The following GREB1L variants were observed in gnomAD, a reference collection of about 807,000 sequenced individuals.
GREB1L encodes the protein GREB1 like retinoic acid receptor coactivator, also known as GREB1-like protein.
Under a neutral mutation model 200.8 loss-of-function variants are expected in GREB1L, and 17 were observed. The ratio of observed to expected loss-of-function variants is 0.08; its 90% CI spans 0.06 to 0.13. The LOEUF (loss-of-function observed/expected upper bound fraction) is 0.13, where lower values mean the gene tolerates loss of function less well. Among genes scored for constraint, GREB1L ranks in the 10% least tolerant of loss-of-function variants. The pLI is 1.00. For synonymous variants in GREB1L, 789 were observed against 893.0 expected (o/e 0.88, Z 2.08); for missense variants, 1,657 against 2,367.7 (o/e 0.70, Z 6.23).
At chr18:21,275,424 T>G (rs2038146382) in intron 1 of GREB1L, among the ~76,000 whole-genome samples, 1 of 152,118 alleles carries the variant, frequency 6.6e-6, no homozygotes, top group Non-Finnish European at 1.5e-5. Flanking sequence ...TTGCCCAGGC[T>G]GAAGTGCAGT....
chr18:21,438,853 C>T (rs1439519539), intron 7 of GREB1L, among the ~76,000 whole-genome samples: 5 of 146,798 alleles, frequency 3.4e-5, no homozygotes, highest in South Asian at 4.4e-4. Flanking sequence ...CCCAGCTACT[C>T]GGGAGGCTGA....
chr18:21,315,953 T>A (rs1341374495), intron 1 of GREB1L, among the ~76,000 whole-genome samples: 1 of 152,112 alleles, frequency 6.6e-6, no homozygotes, highest in Non-Finnish European at 1.5e-5. Context: ...CCCTCCCCCC[T>A]GTGGGCCTGG....
chr18:21,318,585 T>G (rs1297757868), intron 1 of GREB1L, among the ~76,000 whole-genome samples: 1 of 152,200 alleles, frequency 6.6e-6, no homozygotes, highest in East Asian at 1.9e-4. Flanking sequence ...TTTTAAATAA[T>G]GTAAATCCAG....
At chr18:21,463,099 T>C (rs1260969676) in intron 15 of GREB1L, among the ~76,000 whole-genome samples, 1 of 148,684 alleles carries the variant, frequency 6.7e-6, no homozygotes, top group Non-Finnish European at 1.5e-5. Flanking sequence ...GTGTATATCA[T>C]AGGAGAGAGC....
In GREB1L at chr18:21,510,855, T is replaced by A. The variant is rs2037211959; in HGVS notation, c.4735+2264T>A. ...TCACATCCTCACCAACACTTTTTTT[T>A]TTTGAGGTGTTTTGCATTGTGATTT... On this transcript the variant is annotated intron_variant, in intron 27 of 32. Coordinates refer to ENST00000424526, the MANE Select transcript of GREB1L (RefSeq NM_001142966.3). 2.0e-5 allele frequency among the ~76,000 whole-genome samples: 3 copies of A among 152,194 alleles called. 1 individual carries two copies. The South Asian group carries it at 6.2e-4, about 32-fold the overall frequency.
At chr18:21,515,396 T>C in intron 28 of GREB1L, 21 bp from the exon 29 acceptor site, 1 of 1,464,908 alleles carries the variant, frequency 6.8e-7, no homozygotes, top group Non-Finnish European at 9.4e-7. Flanking sequence ...ATCAACATCT[T>C]ATATAAACTA....
At chr18:21,365,687 G>A (rs1165323229) in intron 1 of GREB1L, among the ~76,000 whole-genome samples, 1 of 152,094 alleles carries the variant, frequency 6.6e-6, no homozygotes, top group African/African-American at 2.4e-5. Flanking sequence ...ATTCCTAAAA[G>A]TAGTCTGTTG....
intron 1 of GREB1L, among the ~76,000 whole-genome samples, chr18:21,343,563 A>G (rs2039298451): frequency 6.6e-6 from 1 of 152,058 alleles, no homozygotes; most frequent in Non-Finnish European, 1.5e-5. Context: ...AGTTTTACTA[A>G]TGAGGATCAA....
chr18:21,375,703 T>G (rs1196958295), intron 2 of GREB1L, among the ~76,000 whole-genome samples: 1 of 152,170 alleles, frequency 6.6e-6, no homozygotes, highest in Non-Finnish European at 1.5e-5. Context: ...TCTACCCTGT[T>G]TACCTGTTTC....
intron 23 of GREB1L, among the ~76,000 whole-genome samples, chr18:21,501,170 G>C (rs778321997): frequency 2.0e-5 from 3 of 151,692 alleles, no homozygotes; most frequent in Non-Finnish European, 4.4e-5. Context: ...TTGAGGTCAG[G>C]GATGGTGTAT....
At chr18:21,497,885 G>A (rs1476401377) in intron 21 of GREB1L, among the ~76,000 whole-genome samples, 1 of 128,278 alleles carries the variant, frequency 7.8e-6, no homozygotes, top group African/African-American at 3.0e-5. Context: ...GCAGTGGCAC[G>A]ATCTCAGCTC....
At chr18:21,453,816 G>A (rs576733632) in intron 14 of GREB1L, among the ~76,000 whole-genome samples, 20 of 152,178 alleles carry the variant, frequency 1.3e-4, no homozygotes, top group Admixed American at 2.0e-4. Flanking sequence ...CATGACCCAC[G>A]TTATGTAGTG....
At chr18:21,260,997 T>C (rs2037881370) in intron 1 of GREB1L, among the ~76,000 whole-genome samples, 1 of 151,934 alleles carries the variant, frequency 6.6e-6, no homozygotes, top group African/African-American at 2.4e-5. Flanking sequence ...TGATACTGAG[T>C]ATTATTTTTT....
At chr18:21,457,560 C>T (rs1357990253) in intron 15 of GREB1L, among the ~76,000 whole-genome samples, 1 of 152,214 alleles carries the variant, frequency 6.6e-6, no homozygotes, top group Non-Finnish European at 1.5e-5. Context: ...TAGTGTTCCA[C>T]CTCTCTTCCC....
At chr18:21,332,357 C>T (rs1359772389) in intron 1 of GREB1L, among the ~76,000 whole-genome samples, 2 of 152,072 alleles carry the variant, frequency 1.3e-5, no homozygotes, top group East Asian at 3.9e-4. Context: ...TCTCTTCTCC[C>T]TAGAATGTAT....
At chr18:21,312,745 G>T (rs2038812111) in intron 1 of GREB1L, among the ~76,000 whole-genome samples, 1 of 151,920 alleles carries the variant, frequency 6.6e-6, no homozygotes. Flanking sequence ...ATAGAGATGG[G>T]GTTTCACCAT....
At chr18:21,410,019 T>C (rs2030767059) in intron 7 of GREB1L, among the ~76,000 whole-genome samples, 1 of 152,228 alleles carries the variant, frequency 6.6e-6, no homozygotes, top group Admixed American at 6.5e-5. Flanking sequence ...ATTCTGTTTT[T>C]ATTTAAATTA....
chr18:21,397,935 C>T (rs547293351), intron 5 of GREB1L, among the ~76,000 whole-genome samples: 2 of 152,280 alleles, frequency 1.3e-5, no homozygotes, highest in Admixed American at 6.5e-5. Flanking sequence ...GAGCTTACTA[C>T]CTAGTAGGCT....
At chr18:21,366,243 G>A (rs1368382447) in intron 2 of GREB1L, 107 bp downstream of exon 2, 2 of 152,088 alleles carry the variant, frequency 1.3e-5, no homozygotes, top group Non-Finnish European at 2.9e-5. Flanking sequence ...TTCTTAAAGT[G>A]AATAAGATAC....
Sources: allele counts gnomAD v4.1 joint callset (sites outside exome capture counted in the v4.1 genomes callset), GRCh38; gene constraint gnomAD v4.1.1; transcripts MANE v1.5; gene names NCBI Gene and HGNC (gene_info 2026-07-23, HGNC 2026-07-21).